Variants in SLCO4C1 observed in about 807,000 individuals in gnomAD.
The protein encoded by SLCO4C1 is organic anion transporter M1.
SLCO4C1 carries 58 observed loss-of-function variants against 72.1 expected under a neutral mutation model. That is an observed-to-expected ratio of 0.80 (90% CI 0.65 to 1.00). The LOEUF (loss-of-function observed/expected upper bound fraction) is 1.00. SLCO4C1 is among the 50% of genes least tolerant of loss of function. The pLI, the probability that SLCO4C1 is intolerant of heterozygous loss-of-function variation, is 0.00. For synonymous variants in SLCO4C1, 297 were observed against 312.5 expected (o/e 0.95, Z 0.52); for missense variants, 898 against 857.9 (o/e 1.05, Z -0.58).
In SLCO4C1 at chr5:102,286,947, C is replaced by T. The variant is rs11955548; in HGVS notation, c.619+4396G>A. ...ACTAGCTATATTACTTTAGTTTCCT[C>T]TTACAGAGATTATCCCATCCAAAGT... On this transcript the variant is annotated intron_variant, in intron 2 of 12. Transcript: ENST00000310954. Among the ~76,000 whole-genome samples the T allele has an allele frequency of 4.6e-3, 705 of 152,124 alleles. 7 individuals are homozygous for T. Among genetic ancestry groups the T allele is most frequent in the African/African-American group, 0.016 (653 of 41,510 alleles).
chr5:102,264,516 A>T (rs1748998941), intron 3 of SLCO4C1, among the ~76,000 whole-genome samples: 1 of 151,944 alleles, frequency 6.6e-6, no homozygotes, highest in African/African-American at 2.4e-5. Flanking sequence ...CATTGTACAG[A>T]TTTAGAGTGT....
chr5:102,261,202 C>T (rs928348541), intron 5 of SLCO4C1, among the ~76,000 whole-genome samples: 9 of 152,106 alleles, frequency 5.9e-5, no homozygotes, highest in Non-Finnish European at 1.2e-4. Flanking sequence ...CACCTGAGGT[C>T]AGGAGTTCGA....
Position 102,236,982 on chromosome 5 carries a change from C to T in SLCO4C1, c.2051G>A (p.Gly684Glu). 6.2e-7 allele frequency: 1 copy of T among 1,609,554 alleles called. No individual in the cohort carries two copies. The highest frequency in any genetic ancestry group is 8.5e-7 in the Non-Finnish European group (1 of 1,178,932). ...TCKVITMFFN[G>E]FAIFLYKPPP... ...TGGTTTATACAAAAAGATTGCAAAT[C>T]CATTGAAGAACATGGTGATAACTTT... Residue 684 changes from glycine to glutamate, a missense_variant, in exon 13 of 13, where the codon GGA (glycine) becomes GAA (glutamate). Transcript: ENST00000310954.
chr5:102,289,542 A>G (rs1749517139), intron 2 of SLCO4C1, among the ~76,000 whole-genome samples: 1 of 152,274 alleles, frequency 6.6e-6, no homozygotes, highest in African/African-American at 2.4e-5. Context: ...CTATGAACAA[A>G]TAACTATCAT....
intron 2 of SLCO4C1, among the ~76,000 whole-genome samples, chr5:102,284,112 A>T (rs566708513): frequency 8.4e-4 from 128 of 152,056 alleles, no homozygotes; most frequent in Non-Finnish European, 1.6e-3. Flanking sequence ...AGAAAAAAAT[A>T]TGATGAAGAA....
At chr5:102,259,223 C>T (rs952886848) in intron 6 of SLCO4C1, among the ~76,000 whole-genome samples, 1 of 151,596 alleles carries the variant, frequency 6.6e-6, no homozygotes, top group African/African-American at 2.4e-5. Flanking sequence ...GGAAAACCAA[C>T]AAGAAAATGT....
intron 5 of SLCO4C1, 116 bp downstream of exon 5, chr5:102,261,796 G>T: frequency 1.8e-6 from 2 of 1,081,328 alleles, no homozygotes; most frequent in Non-Finnish European, 2.5e-6. Flanking sequence ...TAGGCAGACA[G>T]TTGAGATTCT....
Position 102,249,795 on chromosome 5 carries a change from A to G in SLCO4C1, c.1470-7T>C, listed in dbSNP as rs1162034334. On this transcript the variant is annotated splice_region_variant and splice_polypyrimidine_tract_variant and intron_variant, in intron 8 of 12. Transcript: ENST00000310954. ...GTTTCCCAATTCTCCAGTCCTGTAA[A>G]TAAGAAATGAAAGAAGGGTAAATGA... 2 of 1,610,398 alleles carry G rather than the reference A, an allele frequency of 1.2e-6. No homozygotes were observed. Among genetic ancestry groups the G allele is most frequent in the Admixed American group, 3.4e-5 (2 of 58,732 alleles).
chr5:102,267,583 GT>G lies in SLCO4C1; in HGVS notation c.802+3040del, dbSNP rs543701401. On this transcript the variant is annotated intron_variant, in intron 3 of 12. Transcript: ENST00000310954. ...ATTTTCATTTCATTGATCTTCTGTA[GT>G]TTTTTTTTTTTTTAACTCTTGTAAC... 4.5e-3 allele frequency among the ~76,000 whole-genome samples: 600 copies of G among 132,616 alleles called. 2 individuals are homozygous for G. Among genetic ancestry groups the G allele is most frequent in the Middle Eastern group, 0.011 (3 of 262 alleles). The allele number at this position is 132,616 out of a possible 152,430, so 87.0% of individuals were successfully genotyped here.
chr5:102,269,724 T>C (rs1433945489), intron 3 of SLCO4C1, among the ~76,000 whole-genome samples: 1 of 152,148 alleles, frequency 6.6e-6, no homozygotes, highest in Non-Finnish European at 1.5e-5. Context: ...TGTATAATTA[T>C]TGTATGTCTT....
chr5:102,237,277 T>A (rs939274687), intron 12 of SLCO4C1, among the ~76,000 whole-genome samples: 2 of 152,138 alleles, frequency 1.3e-5, no homozygotes, highest in African/African-American at 4.8e-5. Flanking sequence ...TGTGCATTCT[T>A]GTAAAATAAG....
intron 3 of SLCO4C1, among the ~76,000 whole-genome samples, chr5:102,266,763 T>C (rs1351989674): frequency 6.6e-6 from 1 of 152,078 alleles, no homozygotes; most frequent in Non-Finnish European, 1.5e-5. Context: ...TAGCTGTGGG[T>C]TTTCCATATA....
In SLCO4C1 at chr5:102,261,935, G is replaced by A; in HGVS notation, c.998C>T (p.Ser333Phe). ...ACCTGGTAAATGTTTTGGAAAGCAAGAAAAAGGTATTATTAAAGACCAAGC... is the reference window on the plus strand; with the variant it reads ...ACCTGGTAAATGTTTTGGAAAGCAAAAAAAAGGTATTATTAAAGACCAAGC... ...IFAWSLIIPF[S>F]CFPKHLPGTA... Residue 333 changes from serine (S) to phenylalanine (F), a missense_variant, in exon 5 of 13, where the codon TCT (serine) becomes TTT (phenylalanine). By Grantham distance (155) the Ser-to-Phe change is radical (BLOSUM62 -2). Coordinates refer to ENST00000310954, the MANE Select transcript of SLCO4C1 (RefSeq NM_180991.5). 1 of 1,611,366 alleles carries A rather than the reference G, an allele frequency of 6.2e-7. No individual in the cohort carries two copies. The highest frequency in any genetic ancestry group is 1.1e-5 in the South Asian group (1 of 90,634).
At chr5:102,292,320 CAGA>C (rs763432002) in intron 1 of SLCO4C1, among the ~76,000 whole-genome samples, 2 of 152,106 alleles carry the variant, frequency 1.3e-5, no homozygotes, top group Non-Finnish European at 2.9e-5. Flanking sequence ...GGACCTCACT[CAGA>C]AGACTACAAA....
chr5:102,249,980 C>A (rs1312605542), intron 8 of SLCO4C1, among the ~76,000 whole-genome samples, 192 bp from the exon 9 acceptor site: 1 of 152,096 alleles, frequency 6.6e-6, no homozygotes, highest in African/African-American at 2.4e-5. Context: ...AAACAATAGT[C>A]ATATAGTATA....
chr5:102,250,743 C>T (rs760381706), intron 8 of SLCO4C1, among the ~76,000 whole-genome samples: 1 of 152,122 alleles, frequency 6.6e-6, no homozygotes, highest in African/African-American at 2.4e-5. Flanking sequence ...AATCCCAGCA[C>T]TTTGGGATGC....
At chr5:102,281,971 T>C (rs972076099) in intron 2 of SLCO4C1, among the ~76,000 whole-genome samples, 3 of 152,168 alleles carry the variant, frequency 2.0e-5, no homozygotes, top group African/African-American at 7.2e-5. Context: ...TGTAGCTTTA[T>C]TTGTAATAAC....
At chr5:102,243,524 A>G (rs1257638261) in intron 10 of SLCO4C1, among the ~76,000 whole-genome samples, 1 of 152,234 alleles carries the variant, frequency 6.6e-6, no homozygotes, top group African/African-American at 2.4e-5. Flanking sequence ...CAAAAACCAC[A>G]GCATTACTGG....
At chr5:102,246,728 T>G (rs1274860691) in intron 10 of SLCO4C1, among the ~76,000 whole-genome samples, 5 of 152,124 alleles carry the variant, frequency 3.3e-5, no homozygotes, top group African/African-American at 1.2e-4. Context: ...GATGACTCTA[T>G]GGAAGGACAG....
Sources: gnomAD v4.1 joint callset for allele counts (sites outside exome capture counted in the v4.1 genomes callset) on GRCh38, gnomAD v4.1.1 for gene constraint, MANE v1.5 for transcripts, NCBI Gene and HGNC (gene_info 2026-07-23, HGNC 2026-07-21) for gene names.